FRMD4A: variants seen among roughly 807,000 people sequenced by gnomAD.
FRMD4A encodes the protein FERM domain-containing protein 4A.
A neutral mutation model predicts 129.1 loss-of-function variants in FRMD4A; 29 were observed. The observed-to-expected ratio is 0.22, with a 90% CI of 0.17 to 0.31. The LOEUF (loss-of-function observed/expected upper bound fraction) is 0.31, where lower values mean the gene tolerates loss of function less well. Among genes scored for constraint, FRMD4A ranks in the 10% least tolerant of loss-of-function variants. The pLI is 1.00. For synonymous variants in FRMD4A, 634 were observed against 571.6 expected, an observed-to-expected ratio of 1.11 and a Z score of -1.56; for missense variants, 1,272 against 1,375.8, an observed-to-expected ratio of 0.92 and a Z score of 1.19.
chr10:14,005,012 T>C (rs866917180), intron 2 of FRMD4A, among the ~76,000 whole-genome samples: 21 of 148,974 alleles, frequency 1.4e-4, no homozygotes, highest in Middle Eastern at 6.8e-3. Flanking sequence ...TTATATTTCT[T>C]TCTTTCTTTC....
At chr10:14,184,618 T>C (rs931918637) in intron 2 of FRMD4A, among the ~76,000 whole-genome samples, 1 of 152,136 alleles carries the variant, frequency 6.6e-6, no homozygotes, top group African/African-American at 2.4e-5. Flanking sequence ...CGTGCCCGTC[T>C]CCTGAGGAGC....
intron 2 of FRMD4A, among the ~76,000 whole-genome samples, chr10:14,307,891 T>A (rs1411004046): frequency 6.6e-6 from 1 of 152,238 alleles, no homozygotes; most frequent in Non-Finnish European, 1.5e-5. Flanking sequence ...AGTTCTTTAC[T>A]GGGGTCCTTA....
chr10:13,948,468 G>A (rs1325817943), intron 2 of FRMD4A, among the ~76,000 whole-genome samples: 1 of 152,048 alleles, frequency 6.6e-6, no homozygotes, highest in Non-Finnish European at 1.5e-5. Flanking sequence ...TGATATCTCA[G>A]CAGACAAGTG....
chr10:14,049,213 T>C (rs1316206982), intron 2 of FRMD4A, among the ~76,000 whole-genome samples: 2 of 151,512 alleles, frequency 1.3e-5, no homozygotes, highest in African/African-American at 4.9e-5. Flanking sequence ...CTTTTTCAGA[T>C]AAAAATGAAG....
chr10:14,110,115 C>T (rs1196943046), intron 2 of FRMD4A, among the ~76,000 whole-genome samples: 1 of 44,640 alleles, frequency 2.2e-5, no homozygotes, highest in African/African-American at 8.9e-5. Flanking sequence ...GGCAACAAAG[C>T]GAGATGCTGT....
chr10:13,673,813 T>C (rs2083732952), intron 16 of FRMD4A, among the ~76,000 whole-genome samples: 1 of 145,752 alleles, frequency 6.9e-6, no homozygotes, highest in Non-Finnish European at 1.5e-5. Flanking sequence ...TCTTGCTCTG[T>C]CACCCAAGCT....
intron 12 of FRMD4A, among the ~76,000 whole-genome samples, chr10:13,709,384 C>T (rs55905710): frequency 0.086 from 13,009 of 151,966 alleles, 648 homozygotes; most frequent in Non-Finnish European, 0.11. Flanking sequence ...CAGATCGTAG[C>T]ACAGTACCGG....
At chr10:13,925,872 T>C (rs1421241127) in intron 2 of FRMD4A, among the ~76,000 whole-genome samples, 1 of 137,236 alleles carries the variant, frequency 7.3e-6, no homozygotes, top group Admixed American at 8.0e-5. Flanking sequence ...GGTGAGCCAC[T>C]GCACCTGGCT....
chr10:13,898,464 A>G (rs1192478046), intron 2 of FRMD4A, among the ~76,000 whole-genome samples: 1 of 152,236 alleles, frequency 6.6e-6, no homozygotes, highest in Non-Finnish European at 1.5e-5. Flanking sequence ...AATTCTTGCC[A>G]TCCCAATGAA....
intron 15 of FRMD4A, among the ~76,000 whole-genome samples, chr10:13,682,064 A>T (rs2084648250): frequency 2.1e-5 from 1 of 47,828 alleles, no homozygotes; most frequent in African/African-American, 4.9e-5. Flanking sequence ...TACAAAAATT[A>T]AAAAAAAAAA....
intron 14 of FRMD4A, among the ~76,000 whole-genome samples, chr10:13,696,799 C>A (rs976651909): frequency 6.6e-6 from 1 of 152,092 alleles, no homozygotes; most frequent in African/African-American, 2.4e-5. Flanking sequence ...GAATCACTAT[C>A]GGACTTTGAC....
intron 13 of FRMD4A, among the ~76,000 whole-genome samples, chr10:13,703,084 A>G (rs2134883014): frequency 6.6e-6 from 1 of 152,284 alleles, no homozygotes; most frequent in Non-Finnish European, 1.5e-5. Flanking sequence ...TTGCTCTTGG[A>G]AATAAATGAA....
chr10:13,953,538 C>T (rs1015263499), intron 2 of FRMD4A, among the ~76,000 whole-genome samples: 24 of 152,178 alleles, frequency 1.6e-4, no homozygotes, highest in African/African-American at 5.8e-4. Flanking sequence ...GGGACATGGA[C>T]CCTCCCTTTG....
chr10:13,770,495 G>A (rs2092425972), intron 6 of FRMD4A, among the ~76,000 whole-genome samples: 1 of 152,100 alleles, frequency 6.6e-6, no homozygotes, highest in South Asian at 2.1e-4. Flanking sequence ...CCAGGATGGA[G>A]TGCAGTGGCA....
intron 2 of FRMD4A, among the ~76,000 whole-genome samples, chr10:13,957,722 G>A (rs774620221): frequency 6.6e-6 from 1 of 152,138 alleles, no homozygotes; most frequent in Non-Finnish European, 1.5e-5. Context: ...GAATTCATTG[G>A]GTTGAACAAA....
At chr10:13,983,321 C>T (rs1035559025) in intron 2 of FRMD4A, among the ~76,000 whole-genome samples, 1 of 151,776 alleles carries the variant, frequency 6.6e-6, no homozygotes, top group Non-Finnish European at 1.5e-5. Flanking sequence ...CCGAGGCAAC[C>T]GTGAAATTGA....
intron 15 of FRMD4A, among the ~76,000 whole-genome samples, chr10:13,676,950 A>G (rs931227766): frequency 6.6e-6 from 1 of 152,226 alleles, no homozygotes; most frequent in African/African-American, 2.4e-5. Flanking sequence ...ATGAGAGAAT[A>G]ATCCAGTCAG....
intron 12 of FRMD4A, among the ~76,000 whole-genome samples, chr10:13,727,324 C>T (rs973852052): frequency 6.6e-6 from 1 of 152,174 alleles, no homozygotes; most frequent in African/African-American, 2.4e-5. Context: ...CCCTGCAGGA[C>T]TGAAGGACGT....
At chr10:13,910,212 T>C (rs1474271175) in intron 2 of FRMD4A, among the ~76,000 whole-genome samples, 1 of 152,210 alleles carries the variant, frequency 6.6e-6, no homozygotes, top group African/African-American at 2.4e-5. Flanking sequence ...AAAATTTAAG[T>C]CTCCAAAGGA....
Sources: allele counts gnomAD v4.1 joint callset (sites outside exome capture counted in the v4.1 genomes callset), GRCh38; gene constraint gnomAD v4.1.1; transcripts MANE v1.5; gene names NCBI Gene and HGNC (gene_info 2026-07-23, HGNC 2026-07-21).